The following SMC4 variants were observed in gnomAD, a reference collection of about 807,000 sequenced individuals.
SMC4 encodes the protein structural maintenance of chromosomes protein 4.
In SMC4, 87 loss-of-function variants were observed where a neutral mutation model predicts 145.6. That is an observed-to-expected ratio of 0.60 (90% CI 0.50 to 0.71). The LOEUF (loss-of-function observed/expected upper bound fraction) is 0.71. Among genes scored for constraint, SMC4 ranks in the 30% least tolerant of loss-of-function variants. SMC4 has a pLI of 0.00. For missense variants in SMC4, 1,447 were observed against 1,537.1 expected (o/e 0.94, Z 0.98); for synonymous variants, 558 against 500.7 (o/e 1.11, Z -1.53).
chr3:160,401,428 A>G (rs1714638295), intron 2 of SMC4, among the ~76,000 whole-genome samples: 1 of 152,080 alleles, frequency 6.6e-6, no homozygotes, highest in African/African-American at 2.4e-5. Flanking sequence ...AAGCCACTGT[A>G]GCTTTTGTGA....
chr3:160,411,712 A>C (rs1167107851), intron 5 of SMC4: 1 of 413,754 alleles, frequency 2.4e-6, no homozygotes, highest in Non-Finnish European at 4.3e-6. Flanking sequence ...TTCATGTTTC[A>C]TATCTCCCTG....
chr3:160,429,213 T>C (rs1006125440), intron 18 of SMC4, among the ~76,000 whole-genome samples: 1 of 152,182 alleles, frequency 6.6e-6, no homozygotes, highest in Non-Finnish European at 1.5e-5. Context: ...AAATCAGTTT[T>C]GTTTCTCTGG....
In SMC4 at chr3:160,402,999, C is replaced by A. The variant is rs1288576381; in HGVS notation, c.510+132C>A. On this transcript the variant is annotated intron_variant, in intron 4 of 23. Transcript: ENST00000357388. ...AAAGCATTGGTTTCATTATCTCTGA[C>A]CGTATTTTATTTTGGGGGAGTGGTG... 4.7e-6 allele frequency: 3 copies of A among 634,456 alleles called. No individual in the cohort carries two copies. The African/African-American group carries it at 5.8e-5, about 12-fold the overall frequency. 39.3% of individuals were successfully genotyped at this position (634,456 alleles called of 1,614,324 possible).
intron 16 of SMC4, 131 bp downstream of exon 16, chr3:160,425,150 G>C: frequency 7.6e-7 from 1 of 1,316,362 alleles, no homozygotes; most frequent in Admixed American, 3.1e-5. Flanking sequence ...TCTATAGGCA[G>C]ATATAACTCT....
Position 160,412,054 on chromosome 3 carries a change from T to G in SMC4, c.822T>G (p.Val274=). ...NEPIKVLCRR[V]EILNEHRGEK... ...CTATTAAAGTCTTGTGTCGGAGAGT[T>G]GAAATATTAAATGAACACAGAGGAG... Residue 274 remains valine (V), a synonymous_variant, in exon 6 of 24, where the codon GTT becomes GTG. Coordinates refer to ENST00000357388, the MANE Select transcript of SMC4 (RefSeq NM_001002800.3). 6.2e-7 allele frequency: 1 copy of G among 1,613,482 alleles called. No homozygotes were observed. The highest frequency in any genetic ancestry group is 1.3e-5 in the African/African-American group (1 of 75,028).
Position 160,432,422 on chromosome 3 carries a change from T to C in SMC4, c.3437T>C (p.Leu1146Ser). The change falls in exon 22 of 24, where the codon TTA becomes TCA. Residue 1146 changes from leucine (L) to serine (S), a missense_variant. Leu to Ser is a moderately radical substitution (Grantham distance 145). Coordinates refer to ENST00000357388, the MANE Select transcript of SMC4 (RefSeq NM_001002800.3). ...MAGFYIITNK[L>S]KENYQMLTLG... ...GGTTTTTATATAATAACAAATAAAT[T>C]AAAGGAAAATTACCAAATGCTTACT... 1 of 1,613,046 alleles carries C rather than the reference T, an allele frequency of 6.2e-7. No individual in the cohort carries two copies. Among genetic ancestry groups the C allele is most frequent in the Non-Finnish European group, 8.5e-7 (1 of 1,179,372 alleles).
At chr3:160,411,084 A>T (rs1011061980) in intron 5 of SMC4, among the ~76,000 whole-genome samples, 4 of 152,228 alleles carry the variant, frequency 2.6e-5, no homozygotes, top group African/African-American at 9.6e-5. Context: ...CCTAGCAGTC[A>T]GCCTTGATGG....
At chr3:160,412,935 TC>T (rs1043570042) in intron 7 of SMC4, 22 of 410,900 alleles carry the variant, frequency 5.4e-5, no homozygotes, top group African/African-American at 4.8e-4. Context: ...CTGATTTTTT[TC>T]AGCTTATGAT....
rs769375403 is a variant in SMC4 at position 160,431,614 on chromosome 3, T to C, written c.3115-29T>C. ...GAATTGTATGTAATATTATGCCTTCTCTAACTCTCCCCTAAATTGAACTTT... is the reference window on the plus strand; with the variant it reads ...GAATTGTATGTAATATTATGCCTTCCCTAACTCTCCCCTAAATTGAACTTT... On this transcript the variant is annotated intron_variant, in intron 20 of 23. Transcript: ENST00000357388. The C allele has an allele frequency of 3.3e-6, 5 of 1,518,394 alleles. No homozygotes were observed. The South Asian group carries it at 3.7e-5, about 11-fold the overall frequency. 94.1% of individuals were successfully genotyped at this position (1,518,394 alleles called of 1,614,324 possible). A position where few individuals can be genotyped will look rare whatever the true frequency, so the allele number is the denominator to read the frequency against.
At chr3:160,401,828 C>T in intron 2 of SMC4, 87 bp from the exon 3 acceptor site, 1 of 944,662 alleles carries the variant, frequency 1.1e-6, no homozygotes, top group Non-Finnish European at 1.6e-6. Context: ...TAAAGATGGG[C>T]AGTCATTAGT....
At chr3:160,427,894 C>G (rs1015640757) in intron 17 of SMC4, among the ~76,000 whole-genome samples, 6 of 152,176 alleles carry the variant, frequency 3.9e-5, no homozygotes, top group African/African-American at 1.4e-4. Flanking sequence ...TGAGACCAGC[C>G]TGGCCAACAT....
At chr3:160,406,579 C>G (rs1225677823) in intron 5 of SMC4, among the ~76,000 whole-genome samples, 2 of 152,032 alleles carry the variant, frequency 1.3e-5, no homozygotes, top group African/African-American at 4.8e-5. Context: ...CATCCAAGAC[C>G]TAAATCATTA....
intron 5 of SMC4, among the ~76,000 whole-genome samples, chr3:160,406,334 G>A (rs1281409380): frequency 1.3e-5 from 2 of 152,118 alleles, no homozygotes; most frequent in Admixed American, 1.3e-4. Flanking sequence ...AACAGGGATT[G>A]GACTACGGTA....
intron 5 of SMC4, among the ~76,000 whole-genome samples, chr3:160,407,572 CTT>C (rs538624861): frequency 2.1e-5 from 3 of 140,078 alleles, no homozygotes; most frequent in African/African-American, 2.6e-5. Flanking sequence ...TAGCCAAGTT[CTT>C]TTTTTTTTTT....
Position 160,416,412 on chromosome 3 carries a change from A to C in SMC4, c.1434A>C (p.Lys478Asn). ...AAACACAAGGGCTTCAGAAAGAAAA[A>C]GAAGTAAGTTTTTTTTTTTTATCAG... The part of the protein sequence containing the change: ...KQETQGLQKE[K>N]ESREKELMGF... The change falls in exon 10 of 24, where the codon AAA (lysine) becomes AAC (asparagine). Residue 478 changes from lysine to asparagine, a missense_variant. Lys to Asn is a moderately conservative substitution (Grantham distance 94). Transcript: ENST00000357388. 6.7e-7 allele frequency: 1 copy of C among 1,483,678 alleles called. No individual in the cohort carries two copies. The highest frequency in any genetic ancestry group is 9.0e-7 in the Non-Finnish European group (1 of 1,115,512). The allele number at this position is 1,483,678 out of a possible 1,614,324, so 91.9% of individuals were successfully genotyped here.
At chr3:160,426,275 G>GC in intron 17 of SMC4, 75 bp downstream of exon 17, 1 of 1,087,526 alleles carries the variant, frequency 9.2e-7, no homozygotes, top group Non-Finnish European at 1.4e-6. Context: ...TTAAGAAGCA[G>GC]TAGAATAATA....
chr3:160,403,105 T>C (rs1353051429), intron 4 of SMC4, among the ~76,000 whole-genome samples: 1 of 152,276 alleles, frequency 6.6e-6, no homozygotes, highest in East Asian at 1.9e-4. Flanking sequence ...AATAAAAGCA[T>C]TGAGCAGTTT....
In SMC4 at chr3:160,419,361, GAA is replaced by G. The variant is rs1193257253; in HGVS notation, c.1679_1680del (p.Lys560ArgfsTer13). On this transcript the variant is annotated frameshift_variant, in exon 12 of 24. Coordinates refer to ENST00000357388, the MANE Select transcript of SMC4 (RefSeq NM_001002800.3). LOFTEE classifies it high-confidence loss of function. ...PQTEQELKEK[E>X]KELQKLTQEE... ...TTCATTTTATTTTCACTTTTAGAAA[GAA>G]AAAGAACTTCAAAAACTTACACAAG... 1 of 1,580,674 alleles carries G rather than the reference GAA, an allele frequency of 6.3e-7. No homozygotes were observed. The highest frequency in any genetic ancestry group is 1.2e-5 in the South Asian group (1 of 85,182).
At position 160,430,722 on chromosome 3, in the gene SMC4, A is replaced by C. The variant is rs752243114; in HGVS notation, c.2919A>C (p.Val973=). The C allele has an allele frequency of 8.7e-6, 14 of 1,612,150 alleles. No individual in the cohort carries two copies. In the South Asian group the frequency reaches 1.5e-4, roughly 18 times the overall value. Residue 973 remains valine, a synonymous_variant, in exon 19 of 24, where the codon GTA becomes GTC. Transcript: ENST00000357388. ...TTGAGGACAAAGCAGCAGAGGTCGT[A>C]AAGAATACAAATGCTGCAGAGGTAT... ...KSLEDKAAEV[V]KNTNAAEESL... is the part of the protein sequence containing the mutation.
Sources: allele counts gnomAD v4.1 joint callset (sites outside exome capture counted in the v4.1 genomes callset), GRCh38; gene constraint gnomAD v4.1.1; transcripts MANE v1.5; gene names NCBI Gene and HGNC (gene_info 2026-07-23, HGNC 2026-07-21).